DNAAF1: variants seen among roughly 807,000 people sequenced by gnomAD.
The protein encoded by DNAAF1 is dynein axonemal assembly factor 1, also known as dynein assembly factor 1, axonemal.
Under a neutral mutation model 71.1 loss-of-function variants are expected in DNAAF1, and 65 were observed. The ratio of observed to expected loss-of-function variants is 0.91; its 90% CI spans 0.75 to 1.12. DNAAF1 has a LOEUF of 1.12. DNAAF1 is among the 50% of genes most tolerant of loss of function. The probability of loss-of-function intolerance (pLI) is 0.00; values close to 1 mark genes in which losing one functional copy is unlikely to be tolerated. For missense variants in DNAAF1, 1,178 were observed against 899.8 expected, an observed-to-expected ratio of 1.31 and a Z score of -3.96; for synonymous variants, 414 against 354.6, an observed-to-expected ratio of 1.17 and a Z score of -1.88.
Position 84,176,040 on chromosome 16 carries a change from T to A in DNAAF1, c.1806T>A (p.Thr602=), listed in dbSNP as rs145760481. The change falls in exon 11 of 12, where the codon ACT becomes ACA. Residue 602 remains threonine, a synonymous_variant. Transcript: ENST00000378553. ...LPVLENLPTD[T]LSNIFAVSKD... The stretch of plus-strand genomic sequence containing the variant: ...TGCTGGAAAACCTCCCCACAGACAC[T>A]CTGTCAAATATATTTGCAGTCTCTA... The A allele has an allele frequency of 1.2e-6, 2 of 1,614,098 alleles. 1 individual carries two copies. Among genetic ancestry groups the A allele is most frequent in the South Asian group, 2.2e-5 (2 of 91,082 alleles).
intron 5 of DNAAF1, 116 bp from the exon 6 acceptor site, chr16:84,159,559 A>G: frequency 7.2e-7 from 1 of 1,389,912 alleles, no homozygotes; most frequent in Non-Finnish European, 9.9e-7. Context: ...GGATATTGGC[A>G]CTTCTATTTT....
chr16:84,174,883 T>C, intron 10 of DNAAF1, 161 bp downstream of exon 10: 1 of 962,566 alleles, frequency 1.0e-6, no homozygotes, highest in Non-Finnish European at 1.6e-6. Context: ...TCAGGCAGAG[T>C]CTGGCTCTGT....
At position 84,176,290 on chromosome 16, in the gene DNAAF1, T is replaced by A; in HGVS notation, c.2056T>A (p.Ser686Thr). The A allele has an allele frequency of 6.2e-7, 1 of 1,613,354 alleles. No homozygotes were observed. The highest frequency in any genetic ancestry group is 1.1e-5 in the South Asian group (1 of 91,080). ...CAGGGACAGCGACTTCCTTGCAGCCTCTTCTCCGGGTAAGAGCGTGGGGCC... is the reference window on the plus strand; with the variant it reads ...CAGGGACAGCGACTTCCTTGCAGCCACTTCTCCGGGTAAGAGCGTGGGGCC... ...GDRDSDFLAASSPVPTESAAT... is the reference protein window; with the variant it reads ...GDRDSDFLAATSPVPTESAAT... The change falls in exon 11 of 12, where the codon TCT (serine) becomes ACT (threonine). Residue 686 changes from serine (S) to threonine (T), a missense_variant. By Grantham distance (58) the Ser-to-Thr change is moderately conservative. Transcript: ENST00000378553.
At chr16:84,148,189 A>C (rs901507486) in intron 1 of DNAAF1, among the ~76,000 whole-genome samples, 16 of 152,216 alleles carry the variant, frequency 1.1e-4, no homozygotes, top group African/African-American at 3.9e-4. Context: ...AATTCTTGCA[A>C]GCACTTCTCT....
At chr16:84,170,562 A>G (rs921265572) in intron 8 of DNAAF1, among the ~76,000 whole-genome samples, 1 of 152,218 alleles carries the variant, frequency 6.6e-6, no homozygotes, top group African/African-American at 2.4e-5. Flanking sequence ...ATTCTCTAAT[A>G]GCTCTATTTA....
rs530468591 is a variant in DNAAF1 at position 84,155,195 on chromosome 16, A to T, written c.575-388A>T. Among the ~76,000 whole-genome samples, 30 of 152,170 alleles carry T rather than the reference A, an allele frequency of 2.0e-4. 1 individual carries two copies. In the East Asian group the frequency reaches 4.8e-3, roughly 25 times the overall value. ...AGTGCTGGGATTACAGGCGTGAGCC[A>T]CCATGCCCAGCCAAGAAGTGTTTTT... On this transcript the variant is annotated intron_variant, in intron 4 of 11. Transcript: ENST00000378553.
chr16:84,151,634 A>G (rs929780567), intron 3 of DNAAF1, among the ~76,000 whole-genome samples: 35 of 152,128 alleles, frequency 2.3e-4, no homozygotes, highest in African/African-American at 8.2e-4. Flanking sequence ...AAACTTAGCA[A>G]CTTCAACTCA....
intron 6 of DNAAF1, among the ~76,000 whole-genome samples, chr16:84,161,203 C>A (rs1042102779): frequency 2.0e-5 from 3 of 152,170 alleles, no homozygotes; most frequent in African/African-American, 2.4e-5. Context: ...CGCCTGTGAG[C>A]AACATGCAGG....
At chr16:84,148,480 T>G (rs1403150568) in intron 1 of DNAAF1, among the ~76,000 whole-genome samples, 2 of 152,052 alleles carry the variant, frequency 1.3e-5, no homozygotes, top group Admixed American at 1.3e-4. Context: ...CATGTTTTCT[T>G]GTGCACCTGT....
Position 84,165,962 on chromosome 16 carries a change from C to T in DNAAF1, c.1030+13C>T. 1 of 1,611,004 alleles carries T rather than the reference C, an allele frequency of 6.2e-7. No homozygotes were observed. The highest frequency in any genetic ancestry group is 8.5e-7 in the Non-Finnish European group (1 of 1,179,122). ...AGTCAAGAGAGAGGTATGCGCTCGG[C>T]CGAAGACAACAGCCCCAGAGTTCCT... On this transcript the variant is annotated intron_variant, in intron 7 of 11. Coordinates refer to ENST00000378553, the MANE Select transcript of DNAAF1 (RefSeq NM_178452.6).
At chr16:84,171,015 T>G (rs956204960) in intron 8 of DNAAF1, among the ~76,000 whole-genome samples, 5 of 152,188 alleles carry the variant, frequency 3.3e-5, no homozygotes, top group Non-Finnish European at 7.4e-5. Context: ...AAATCCAGTA[T>G]GTATTTGACA....
intron 7 of DNAAF1, among the ~76,000 whole-genome samples, chr16:84,167,373 C>T (rs767807846): frequency 6.6e-6 from 1 of 152,114 alleles, no homozygotes; most frequent in Non-Finnish European, 1.5e-5. Flanking sequence ...TTTCCAGAAG[C>T]TCCAGCACGT....
At chr16:84,159,355 G>T in intron 5 of DNAAF1, 5 of 783,568 alleles carry the variant, frequency 6.4e-6, no homozygotes, top group Admixed American at 9.1e-5. Context: ...AAAGAGGTTG[G>T]GTAGCAAAAC....
Position 84,170,168 on chromosome 16 carries a change from C to T in DNAAF1, c.1340C>T (p.Pro447Leu), listed in dbSNP as rs755275918. 6.9e-6 allele frequency: 11 copies of T among 1,602,158 alleles called. No homozygotes were observed. The Admixed American group carries it at 1.2e-4, about 17-fold the overall frequency. The change falls in exon 8 of 12, where the codon CCA becomes CTA. Residue 447 changes from proline to leucine, a missense_variant. Coordinates refer to ENST00000378553, the MANE Select transcript of DNAAF1 (RefSeq NM_178452.6). Reference protein sequence around the residue: ...EPEGTLPAEAPPPPPPVEVKG... With the variant: ...EPEGTLPAEALPPPPPVEVKG... ...GAGGGGACCCTCCCAGCTGAGGCCC[C>T]ACCACCCCCGCCACCTGTGGAGGTT...
At chr16:84,155,431 G>A in intron 4 of DNAAF1, 152 bp from the exon 5 acceptor site, 1 of 861,172 alleles carries the variant, frequency 1.2e-6, no homozygotes, top group Non-Finnish European at 1.9e-6. Context: ...GTCTCACTGT[G>A]TTGCCCAGGC....
At chr16:84,146,873 G>C (rs2086938865) in intron 1 of DNAAF1, among the ~76,000 whole-genome samples, 1 of 152,168 alleles carries the variant, frequency 6.6e-6, no homozygotes, top group African/African-American at 2.4e-5. Context: ...TCTGAACGCA[G>C]GCAACAAATA....
chr16:84,157,649 A>G (rs2087502603), intron 5 of DNAAF1, among the ~76,000 whole-genome samples: 2 of 152,038 alleles, frequency 1.3e-5, no homozygotes, highest in Non-Finnish European at 1.5e-5. Context: ...CGTGTGTACT[A>G]GGAAAAAAAT....
At chr16:84,157,604 G>C (rs959601327) in intron 5 of DNAAF1, among the ~76,000 whole-genome samples, 4 of 151,584 alleles carry the variant, frequency 2.6e-5, no homozygotes, top group African/African-American at 9.7e-5. Flanking sequence ...AGTAGCCTTT[G>C]ACAGCCTCCT....
chr16:84,155,123 T>C (rs559272975), intron 4 of DNAAF1, among the ~76,000 whole-genome samples: 21 of 152,326 alleles, frequency 1.4e-4, no homozygotes, highest in Non-Finnish European at 2.8e-4. Context: ...TTAGCCAGGA[T>C]GGTCTCGATC....
Sources: gnomAD v4.1 joint callset for allele counts (sites outside exome capture counted in the v4.1 genomes callset) on GRCh38, gnomAD v4.1.1 for gene constraint, MANE v1.5 for transcripts, NCBI Gene and HGNC (gene_info 2026-07-23, HGNC 2026-07-21) for gene names.